The following PCSK9 variants were observed in gnomAD, a reference collection of about 807,000 sequenced individuals.
PCSK9 encodes convertase subtilisin/kexin type 9 preproprotein.
Under a neutral mutation model 62.1 loss-of-function variants are expected in PCSK9, and 57 were observed. That is an observed-to-expected ratio of 0.92 (90% CI 0.74 to 1.14). PCSK9 has a LOEUF of 1.14. Among genes scored for constraint, PCSK9 ranks in the 50% most tolerant of loss-of-function variants. The pLI, the probability that PCSK9 is intolerant of heterozygous loss-of-function variation, is 0.00. For missense variants in PCSK9, 870 were observed against 959.8 expected (o/e 0.91, Z 1.24); for synonymous variants, 387 against 409.4 (o/e 0.95, Z 0.66).
At chr1:55,048,144 G>C (rs954735399) in intron 3 of PCSK9, among the ~76,000 whole-genome samples, 1 of 152,138 alleles carries the variant, frequency 6.6e-6, no homozygotes, top group Non-Finnish European at 1.5e-5. Context: ...TCTCCCGGGG[G>C]GCTCCAGGGA....
chr1:55,057,610 A>G, intron 7 of PCSK9, 96 bp downstream of exon 7: 1 of 1,413,816 alleles, frequency 7.1e-7, no homozygotes, highest in Admixed American at 2.0e-5. Context: ...GGCTCTGTGC[A>G]GGGGGACCAG....
rs1436412590 is a variant in PCSK9 at position 55,060,305 on chromosome 1, G to C, written c.1681+642G>C. 2.0e-5 allele frequency among the ~76,000 whole-genome samples: 3 copies of C among 152,228 alleles called. No homozygotes were observed. In the East Asian group the frequency reaches 5.8e-4, roughly 29 times the overall value. On this transcript the variant is annotated intron_variant, in intron 10 of 11. Coordinates refer to ENST00000302118, the MANE Select transcript of PCSK9 (RefSeq NM_174936.4). ...TTGGGGCATCAAGGGATGGTGCCCT[G>C]AGGCTGAGCTGTTCTGGTTGGGTGG...
intron 10 of PCSK9, among the ~76,000 whole-genome samples, chr1:55,061,089 C>T: frequency 6.6e-6 from 1 of 152,100 alleles, no homozygotes; most frequent in South Asian, 2.1e-4. Flanking sequence ...GCCATAGAGC[C>T]CCTGCCTCAC....
At chr1:55,043,037 T>G (rs926795379) in intron 1 of PCSK9, among the ~76,000 whole-genome samples, 3 of 152,260 alleles carry the variant, frequency 2.0e-5, no homozygotes, top group Non-Finnish European at 4.4e-5. Flanking sequence ...CTTCACCTTC[T>G]GCCATCAGTG....
chr1:55,043,756 T>C, intron 1 of PCSK9, 87 bp from the exon 2 acceptor site: 2 of 1,455,474 alleles, frequency 1.4e-6, no homozygotes, highest in Non-Finnish European at 1.9e-6. Flanking sequence ...TCTTTTGTTG[T>C]AATTTGTAAG....
chr1:55,063,586 A>C lies in PCSK9; in HGVS notation c.*2A>C. 5 of 1,611,250 alleles carry C rather than the reference A, an allele frequency of 3.1e-6. No homozygotes were observed. Among genetic ancestry groups the C allele is most frequent in the Non-Finnish European group, 3.4e-6 (4 of 1,179,558 alleles). On this transcript the variant is annotated 3_prime_UTR_variant, in exon 12 of 12. Coordinates refer to ENST00000302118, the MANE Select transcript of PCSK9 (RefSeq NM_174936.4). ...CAGGCCTCCCAGGAGCTCCAGTGACAGCCCCATCCCAGGATGGGTGTCTGG... is the reference window on the plus strand; with the variant it reads ...CAGGCCTCCCAGGAGCTCCAGTGACCGCCCCATCCCAGGATGGGTGTCTGG...
intron 10 of PCSK9, 48 bp downstream of exon 10, chr1:55,059,711 T>TA (rs1644745384): frequency 6.5e-7 from 1 of 1,541,142 alleles, no homozygotes; most frequent in Non-Finnish European, 8.8e-7. Context: ...TCTTTCTCCT[T>TA]ATGCACCCAC....
intron 1 of PCSK9, among the ~76,000 whole-genome samples, chr1:55,042,722 G>A (rs1644606307): frequency 1.3e-5 from 2 of 152,216 alleles, no homozygotes; most frequent in Non-Finnish European, 2.9e-5. Context: ...AGAGCAGTTG[G>A]AGCAGACAAG....
intron 4 of PCSK9, 105 bp from the exon 5 acceptor site, chr1:55,052,545 C>T: frequency 6.2e-7 from 1 of 1,603,730 alleles, no homozygotes; most frequent in South Asian, 1.1e-5. Context: ...TGTCCCCTCC[C>T]TGCCATCAGT....
chr1:55,055,951 G>A, intron 5 of PCSK9, 42 bp from the exon 6 acceptor site: 1 of 1,535,312 alleles, frequency 6.5e-7, no homozygotes. Flanking sequence ...GGAAAGGGGA[G>A]CAGGTCTCCC....
intron 3 of PCSK9, chr1:55,051,100 G>GAATTTCCC (rs1644669731): frequency 6.6e-6 from 3 of 455,552 alleles, no homozygotes; most frequent in South Asian, 4.7e-5. Flanking sequence ...CTGAGTCTGG[G>GAATTTCCC]AATTTGTGAC....
At chr1:55,044,152 T>C in intron 2 of PCSK9, 118 bp downstream of exon 2, 3 of 1,212,516 alleles carry the variant, frequency 2.5e-6, no homozygotes, top group Non-Finnish European at 3.6e-6. Context: ...CAAGTATGTA[T>C]TGAGCACTTA....
chr1:55,061,076 C>T (rs182690515), intron 10 of PCSK9, among the ~76,000 whole-genome samples: 37 of 152,272 alleles, frequency 2.4e-4, no homozygotes, highest in Non-Finnish European at 4.7e-4. Flanking sequence ...TTGAGCATCT[C>T]AGGCCATAGA....
At chr1:55,054,635 C>T (rs1305536475) in intron 5 of PCSK9, among the ~76,000 whole-genome samples, 2 of 152,218 alleles carry the variant, frequency 1.3e-5, no homozygotes, top group Non-Finnish European at 1.5e-5. Context: ...TCCCCTTGCA[C>T]ATCAGGGCCA....
chr1:55,061,836 A>G (rs187745544), intron 11 of PCSK9, among the ~76,000 whole-genome samples: 2 of 152,348 alleles, frequency 1.3e-5, no homozygotes, highest in Admixed American at 1.3e-4. Flanking sequence ...AAGAAATGCA[A>G]TATGCATGCA....
At chr1:55,049,190 T>C (rs1267439670) in intron 3 of PCSK9, among the ~76,000 whole-genome samples, 1 of 152,198 alleles carries the variant, frequency 6.6e-6, no homozygotes, top group African/African-American at 2.4e-5. Context: ...GGGGGCATTA[T>C]TAACCAGGCA....
At position 55,058,071 on chromosome 1, in the gene PCSK9, C is replaced by T. The variant is rs746767777; in HGVS notation, c.1216C>T (p.Leu406Phe). The T allele has an allele frequency of 1.2e-6, 2 of 1,613,702 alleles. No homozygotes were observed. The highest frequency in any genetic ancestry group is 1.7e-6 in the Non-Finnish European group (2 of 1,180,046). Reference protein sequence around the residue: ...AAMMLSAEPELTLAELRQRLI... With the variant: ...AAMMLSAEPEFTLAELRQRLI... ...CATGATGCTGTCTGCCGAGCCGGAG[C>T]TCACCCTGGCCGAGTTGAGGCAGAG... is the stretch of plus-strand genomic sequence containing the variant. Residue 406 changes from leucine (L) to phenylalanine (F), a missense_variant, in exon 8 of 12, where the codon CTC becomes TTC. By Grantham distance (22) the Leu-to-Phe change is conservative (BLOSUM62 0). Coordinates refer to ENST00000302118, the MANE Select transcript of PCSK9 (RefSeq NM_174936.4).
At chr1:55,052,076 T>C (rs749849475) in intron 3 of PCSK9, 34 of 746,894 alleles carry the variant, frequency 4.6e-5, no homozygotes, top group African/African-American at 1.0e-4. Flanking sequence ...TTACCTGCCC[T>C]CTCTAGGCCT....
chr1:55,042,262 C>T (rs1644602804), intron 1 of PCSK9, among the ~76,000 whole-genome samples: 1 of 152,140 alleles, frequency 6.6e-6, no homozygotes. Context: ...CACGCCTGGC[C>T]TCCACAGTTC....
Sources: allele counts gnomAD v4.1 joint callset (sites outside exome capture counted in the v4.1 genomes callset), GRCh38; gene constraint gnomAD v4.1.1; transcripts MANE v1.5; gene names NCBI Gene and HGNC (gene_info 2026-07-23, HGNC 2026-07-21).